YIPF4: variants seen among roughly 807,000 people sequenced by gnomAD.
YIPF4 encodes Yip1 domain family member 4.
YIPF4 carries 18 observed loss-of-function variants against 29.4 expected under a neutral mutation model. That is an observed-to-expected ratio of 0.61 (90% CI 0.42 to 0.91). The LOEUF (loss-of-function observed/expected upper bound fraction) is 0.91. Ranked by LOEUF, YIPF4 falls within the 40% of genes least tolerant of loss-of-function variation. YIPF4 has a pLI of 0.00. For synonymous variants in YIPF4, 115 were observed against 104.7 expected (o/e 1.10, Z -0.60); for missense variants, 279 against 282.7 (o/e 0.99, Z 0.09).
intron 4 of YIPF4, among the ~76,000 whole-genome samples, chr2:32,300,076 G>T (rs565188340): frequency 6.6e-6 from 1 of 152,132 alleles, no homozygotes; most frequent in African/African-American, 2.4e-5. Flanking sequence ...AGACCAGCCT[G>T]TCCAACATGG....
chr2:32,280,435 A>C (rs958220367), intron 1 of YIPF4, among the ~76,000 whole-genome samples: 30 of 145,850 alleles, frequency 2.1e-4, no homozygotes, highest in Non-Finnish European at 4.0e-4. Flanking sequence ...GCTGGAGTGC[A>C]GTGGCGCAGT....
rs770418056 is a variant in YIPF4, at chr2:32,290,485, C to T, written c.82C>T (p.Leu28Phe). The change falls in exon 2 of 6, where the codon CTC (leucine) becomes TTC (phenylalanine). Residue 28 changes from leucine to phenylalanine, a missense_variant and splice_region_variant. Transcript: ENST00000238831. ...TFVSSADAEDLSGSIASPDVK... is the reference protein window; with the variant it reads ...TFVSSADAEDFSGSIASPDVK... The stretch of plus-strand genomic sequence containing the variant: ...GTTTTATCCTCTTTTCTCCTAAGAT[C>T]TCAGTGGTTCAATAGCATCCCCAGA... The T allele has an allele frequency of 7.2e-6, 11 of 1,529,376 alleles. No individual in the cohort carries two copies. Among genetic ancestry groups the T allele is most frequent in the Non-Finnish European group, 8.8e-6 (10 of 1,139,026 alleles). The allele number at this position is 1,529,376 out of a possible 1,614,324, so 94.7% of individuals were successfully genotyped here. A position where few individuals can be genotyped will look rare whatever the true frequency, so the allele number is the denominator to read the frequency against.
chr2:32,291,845 C>A (rs2030931841), intron 2 of YIPF4, among the ~76,000 whole-genome samples: 1 of 152,152 alleles, frequency 6.6e-6, no homozygotes, highest in Non-Finnish European at 1.5e-5. Flanking sequence ...CCCAAAAAGT[C>A]ACAAGCAGAA....
At chr2:32,298,383 C>A in intron 4 of YIPF4, 72 bp downstream of exon 4, 2 of 1,120,196 alleles carry the variant, frequency 1.8e-6, no homozygotes, top group Non-Finnish European at 2.6e-6. Context: ...CAGATATCAT[C>A]ATTAGCTATA....
chr2:32,315,281 T>C lies in YIPF4; in HGVS notation c.*9655T>C, dbSNP rs757046871. The C allele has an allele frequency of 5.3e-5, 8 of 152,228 alleles. No homozygotes were observed. Among genetic ancestry groups the C allele is most frequent in the Non-Finnish European group, 1.2e-4 (8 of 68,048 alleles). 9.4% of individuals were successfully genotyped at this position (152,228 alleles called of 1,614,324 possible). ...AGCCCCACTTAGTGGCTTCCATCCA[T>C]GTCTCATGGGACAGAACTGAATCAC... On this transcript the variant is annotated 3_prime_UTR_variant, in exon 6 of 6. Coordinates refer to ENST00000238831, the MANE Select transcript of YIPF4 (RefSeq NM_032312.4).
rs1430870767 is a variant in YIPF4 at position 32,297,781 on chromosome 2, A to G, written c.406-453A>G. Among the ~76,000 whole-genome samples, 5 of 152,168 alleles carry G rather than the reference A, an allele frequency of 3.3e-5. No homozygotes were observed. The East Asian group carries it at 9.6e-4, about 29-fold the overall frequency. ...GCAGACAGCTTCAAAATACAAATAT[A>G]TGTATGTATTGTTACACCAAGTTTG... On this transcript the variant is annotated intron_variant, in intron 3 of 5. Coordinates refer to ENST00000238831, the MANE Select transcript of YIPF4 (RefSeq NM_032312.4).
intron 1 of YIPF4, among the ~76,000 whole-genome samples, chr2:32,283,572 C>T (rs2030528309): frequency 6.6e-6 from 1 of 152,154 alleles, no homozygotes; most frequent in African/African-American, 2.4e-5. Flanking sequence ...AATGCTCTTT[C>T]CTTGGTAAAA....
chr2:32,292,031 G>A (rs1326064437), intron 2 of YIPF4, 146 bp from the exon 3 acceptor site: 21 of 478,754 alleles, frequency 4.4e-5, no homozygotes, highest in Admixed American at 4.0e-4. Context: ...CTTGGAATTA[G>A]TGAAATGTGG....
chr2:32,296,913 TTTTA>T (rs1372259765), intron 3 of YIPF4, among the ~76,000 whole-genome samples: 5 of 152,330 alleles, frequency 3.3e-5, no homozygotes, highest in East Asian at 1.9e-4. Context: ...CCCTCAATCA[TTTTA>T]TTTGAGTTAT....
chr2:32,284,310 T>G lies in YIPF4; in HGVS notation c.79+6076T>G, dbSNP rs1190584212. ...TGAAAGGAACTTACATAGTCTAGTC[T>G]GCAGGATCAAGGAAAATTTGCTTAA... On this transcript the variant is annotated intron_variant, in intron 1 of 5. Transcript: ENST00000238831. Among the ~76,000 whole-genome samples, 4 of 152,214 alleles carry G rather than the reference T, an allele frequency of 2.6e-5. No individual in the cohort carries two copies. In the East Asian group the frequency reaches 7.7e-4, roughly 29 times the overall value.
At chr2:32,301,348 AATG>A (rs2031397463) in intron 4 of YIPF4, 31 bp from the exon 5 acceptor site, 10 of 1,343,182 alleles carry the variant, frequency 7.4e-6, no homozygotes, top group Non-Finnish European at 1.1e-5. Context: ...TCTTGATTTC[AATG>A]ATATTTATTT....
rs757559817 is a variant in YIPF4, at chr2:32,292,261, A to C, written c.318A>C (p.Arg106Ser). Reference sequence around the variant, plus strand: ...CAATGCCATCACTTGGTTTTAATAGACAAGTGGTGAGAGACAATCCTGACT... The same window carrying C: ...CAATGCCATCACTTGGTTTTAATAGCCAAGTGGTGAGAGACAATCCTGACT... ...LMPMPSLGFN[R>S]QVVRDNPDFW... The change falls in exon 3 of 6, where the codon AGA (arginine) becomes AGC (serine). Residue 106 changes from arginine (R) to serine (S), a missense_variant. Physicochemically the swap from Arg to Ser is moderately radical, Grantham distance 110 (BLOSUM62 -1). Transcript: ENST00000238831. The C allele has an allele frequency of 6.2e-7, 1 of 1,605,948 alleles. No individual in the cohort carries two copies. The highest frequency in any genetic ancestry group is 8.5e-7 in the Non-Finnish European group (1 of 1,175,544).
At position 32,311,593 on chromosome 2, in the gene YIPF4, G is replaced by T. The variant is rs1306263396; in HGVS notation, c.*5967G>T. On this transcript the variant is annotated 3_prime_UTR_variant, in exon 6 of 6. Transcript: ENST00000238831. ...TTAAGTTAGATACTAATATGAAAAA[G>T]AATATTTGTGTAAAATATTTTGAAG... is the stretch of plus-strand genomic sequence containing the variant. The T allele has an allele frequency of 3.3e-5, 5 of 152,150 alleles. No homozygotes were observed. The highest frequency in any genetic ancestry group is 1.2e-4 in the African/African-American group (5 of 41,440). 9.4% of individuals were successfully genotyped at this position (152,150 alleles called of 1,614,324 possible). A position where few individuals can be genotyped will look rare whatever the true frequency, so the allele number is the denominator to read the frequency against.
At chr2:32,300,403 C>T (rs1160456373) in intron 4 of YIPF4, among the ~76,000 whole-genome samples, 1 of 149,232 alleles carries the variant, frequency 6.7e-6, no homozygotes, top group Admixed American at 6.7e-5. Flanking sequence ...CACTGCACTC[C>T]AGTGTGGGCG....
At chr2:32,278,349 T>A in intron 1 of YIPF4, 115 bp downstream of exon 1, 1 of 1,037,658 alleles carries the variant, frequency 9.6e-7, no homozygotes, top group East Asian at 3.0e-5. Context: ...GGAAGCTGAC[T>A]GGTGACTGCA....
chr2:32,306,989 C>T lies in YIPF4; in HGVS notation c.*1363C>T, dbSNP rs2031601332. Reference sequence around the variant, plus strand: ...TATCAAGCCCAGCCGTCTTCCTTTCCCCTAATCCCAAAAGGAAAGAAAGAA... The same window carrying T: ...TATCAAGCCCAGCCGTCTTCCTTTCTCCTAATCCCAAAAGGAAAGAAAGAA... On this transcript the variant is annotated 3_prime_UTR_variant, in exon 6 of 6. Transcript: ENST00000238831. 1.6e-6 allele frequency: 1 copy of T among 625,798 alleles called. No homozygotes were observed. Among genetic ancestry groups the T allele is most frequent in the Non-Finnish European group, 2.4e-6 (1 of 421,100 alleles). The allele number at this position is 625,798 out of a possible 1,614,324, so 38.8% of individuals were successfully genotyped here.
intron 1 of YIPF4, 60 bp from the exon 2 acceptor site, chr2:32,290,423 T>G: frequency 2.4e-6 from 3 of 1,246,560 alleles, no homozygotes; most frequent in South Asian, 2.7e-5. Context: ...TCTGCTCACT[T>G]TGGTTAAGAT....
At chr2:32,305,163 C>T (rs971533277) in intron 5 of YIPF4, among the ~76,000 whole-genome samples, 5 of 152,030 alleles carry the variant, frequency 3.3e-5, no homozygotes, top group Non-Finnish European at 5.9e-5. Context: ...CTAGATCCTT[C>T]CCTTAGAAAT....
At chr2:32,303,948 A>G (rs926038391) in intron 5 of YIPF4, among the ~76,000 whole-genome samples, 2 of 152,166 alleles carry the variant, frequency 1.3e-5, no homozygotes, top group Admixed American at 6.5e-5. Flanking sequence ...ACTACTCCCA[A>G]AATGGTTAAA....
Sources: allele counts gnomAD v4.1 joint callset (sites outside exome capture counted in the v4.1 genomes callset), GRCh38; gene constraint gnomAD v4.1.1; transcripts MANE v1.5; gene names NCBI Gene and HGNC (gene_info 2026-07-23, HGNC 2026-07-21).